SLC38A6: variants seen among roughly 807,000 people sequenced by gnomAD.
The protein encoded by SLC38A6 is solute carrier family 38 member 6, also known as N system amino acid transporter NAT-1.
A neutral mutation model predicts 65.0 loss-of-function variants in SLC38A6; 73 were observed. That is an observed-to-expected ratio of 1.12 (90% CI 0.93 to 1.37). The LOEUF (loss-of-function observed/expected upper bound fraction) is 1.37. Among genes scored for constraint, SLC38A6 ranks in the 40% most tolerant of loss-of-function variants. The probability of loss-of-function intolerance (pLI) is 0.00; values close to 1 mark genes in which losing one functional copy is unlikely to be tolerated. For synonymous variants in SLC38A6, 183 were observed against 178.8 expected (o/e 1.02, Z -0.19); for missense variants, 561 against 531.1 (o/e 1.06, Z -0.55).
At chr14:60,996,600 A>G (rs2038311936) in intron 3 of SLC38A6, among the ~76,000 whole-genome samples, 1 of 152,180 alleles carries the variant, frequency 6.6e-6, no homozygotes, top group African/African-American at 2.4e-5. Flanking sequence ...GATGTAACTG[A>G]AGGAAATTAG....
intron 8 of SLC38A6, among the ~76,000 whole-genome samples, chr14:61,041,710 G>A (rs2041826949): frequency 6.6e-6 from 1 of 152,132 alleles, no homozygotes; most frequent in South Asian, 2.1e-4. Context: ...ACCAGCCTGG[G>A]CAACATGGCA....
At chr14:60,990,909 C>T (rs913409017) in intron 3 of SLC38A6, among the ~76,000 whole-genome samples, 1 of 152,122 alleles carries the variant, frequency 6.6e-6, no homozygotes, top group Non-Finnish European at 1.5e-5. Context: ...TTTTCCAACA[C>T]CAGCTCAAGC....
intron 3 of SLC38A6, among the ~76,000 whole-genome samples, chr14:61,010,071 A>G (rs539990273): frequency 2.0e-5 from 3 of 152,304 alleles, no homozygotes; most frequent in Admixed American, 1.3e-4. Context: ...AATGATTGCC[A>G]TTCTAACTGG....
chr14:60,982,408 T>G, intron 1 of SLC38A6, 100 bp from the exon 2 acceptor site: 1 of 1,495,514 alleles, frequency 6.7e-7, no homozygotes, highest in Non-Finnish European at 9.2e-7. Flanking sequence ...CCCTGGTGGT[T>G]TGCAGCTTTT....
intron 3 of SLC38A6, among the ~76,000 whole-genome samples, chr14:61,004,213 C>T (rs907240277): frequency 5.3e-5 from 8 of 152,160 alleles, no homozygotes; most frequent in Non-Finnish European, 1.2e-4. Flanking sequence ...TGGTTCACAG[C>T]GAAGGTATTT....
chr14:61,004,156 GT>G (rs1406142663), intron 3 of SLC38A6, among the ~76,000 whole-genome samples: 3 of 152,170 alleles, frequency 2.0e-5, no homozygotes, highest in Admixed American at 1.3e-4. Context: ...TAAATTTCAG[GT>G]AATTGAAAGA....
chr14:61,014,210 C>T (rs537480839), intron 3 of SLC38A6, among the ~76,000 whole-genome samples: 1 of 152,282 alleles, frequency 6.6e-6, no homozygotes, highest in South Asian at 2.1e-4. Context: ...TCACGTAGTT[C>T]TCGTGCCGTG....
At chr14:61,019,670 C>A in intron 5 of SLC38A6, 90 bp downstream of exon 5, 1 of 1,322,606 alleles carries the variant, frequency 7.6e-7, no homozygotes. Context: ...TAGCTGGGAA[C>A]TTCTGTAGAC....
chr14:61,013,587 C>CA (rs2039753753), intron 3 of SLC38A6, among the ~76,000 whole-genome samples: 1 of 152,190 alleles, frequency 6.6e-6, no homozygotes. Flanking sequence ...CTGGTGATGA[C>CA]AAAATCTCTC....
Position 61,011,142 on chromosome 14 carries a change from A to G in SLC38A6, c.311-4762A>G, listed in dbSNP as rs113885020. On this transcript the variant is annotated intron_variant, in intron 3 of 15. Transcript: ENST00000267488. ...TAGGTATTTTATTCTCTTTGAAGCAATGGTCAATGGGAATTCACTCATGAT... is the reference window on the plus strand; with the variant it reads ...TAGGTATTTTATTCTCTTTGAAGCAGTGGTCAATGGGAATTCACTCATGAT... Among the ~76,000 whole-genome samples the G allele has an allele frequency of 3.5e-3, 533 of 152,258 alleles. 5 individuals are homozygous for G. The highest frequency in any genetic ancestry group is 0.012 in the African/African-American group (498 of 41,524).
In SLC38A6 at chr14:61,029,225, G is replaced by A. The variant is rs138941067; in HGVS notation, c.404-1220G>A. On this transcript the variant is annotated intron_variant, in intron 5 of 15. Transcript: ENST00000267488. ...GGCTGAAGTGCAGTGGTGCAGTCTC[G>A]GCTCACTGCAACCTCCGCCTTCCAG... is the stretch of plus-strand genomic sequence containing the variant. Among the ~76,000 whole-genome samples the A allele has an allele frequency of 1.1e-3, 164 of 147,746 alleles. No homozygotes were observed. The East Asian group carries it at 0.023, about 21-fold the overall frequency.
intron 7 of SLC38A6, 96 bp downstream of exon 7, chr14:61,037,237 T>A: frequency 2.2e-6 from 2 of 900,104 alleles, no homozygotes; most frequent in Non-Finnish European, 3.4e-6. Flanking sequence ...AATTTCACAG[T>A]ACCACATTTT....
At chr14:61,063,354 A>T (rs1318990148) in intron 15 of SLC38A6, among the ~76,000 whole-genome samples, 1 of 152,178 alleles carries the variant, frequency 6.6e-6, no homozygotes, top group Non-Finnish European at 1.5e-5. Context: ...CCTTTCTCTG[A>T]GTTTTCTTAG....
intron 4 of SLC38A6, among the ~76,000 whole-genome samples, chr14:61,017,258 T>C (rs1210703911): frequency 6.6e-6 from 1 of 152,228 alleles, no homozygotes; most frequent in African/African-American, 2.4e-5. Context: ...CAGGCTGGTC[T>C]GGGCCTCCCG....
chr14:61,062,466 A>G (rs1403485953), intron 15 of SLC38A6, among the ~76,000 whole-genome samples: 2 of 150,562 alleles, frequency 1.3e-5, no homozygotes, highest in African/African-American at 4.9e-5. Context: ...TTTCTTTGGT[A>G]AAGTATCTGT....
intron 5 of SLC38A6, among the ~76,000 whole-genome samples, chr14:61,029,931 T>C (rs1025943969): frequency 2.0e-5 from 3 of 152,068 alleles, no homozygotes; most frequent in Non-Finnish European, 4.4e-5. Flanking sequence ...CAGGGGTGGG[T>C]AGTAGAGAGA....
rs1001046195 is a variant in SLC38A6 at position 61,005,736 on chromosome 14, T to C, written c.311-10168T>C. Among the ~76,000 whole-genome samples, 45 of 152,138 alleles carry C rather than the reference T, an allele frequency of 3.0e-4. 1 individual carries two copies. The highest frequency in any genetic ancestry group is 1.8e-3 in the Admixed American group (28 of 15,276). ...TGCTCATGGGTAGGAAGAATCAATA[T>C]CATGAAAATCGCCATACTGCCCAAG... On this transcript the variant is annotated intron_variant, in intron 3 of 15. Transcript: ENST00000267488.
chr14:61,063,960 C>G (rs1306654727), intron 15 of SLC38A6, among the ~76,000 whole-genome samples: 2 of 152,236 alleles, frequency 1.3e-5, no homozygotes, highest in Non-Finnish European at 2.9e-5. Context: ...TTTGTCCATT[C>G]CCTTATCTGG....
At chr14:61,015,189 G>C (rs576990577) in intron 3 of SLC38A6, among the ~76,000 whole-genome samples, 2 of 152,310 alleles carry the variant, frequency 1.3e-5, no homozygotes, top group South Asian at 2.1e-4. Context: ...GCCAGGTGCG[G>C]GATATAATCT....
Sources: gnomAD v4.1 joint callset for allele counts (sites outside exome capture counted in the v4.1 genomes callset) on GRCh38, gnomAD v4.1.1 for gene constraint, MANE v1.5 for transcripts, NCBI Gene and HGNC (gene_info 2026-07-23, HGNC 2026-07-21) for gene names.